The following BACE2 variants were observed in gnomAD, a reference collection of about 807,000 sequenced individuals.
BACE2 encodes 56 kDa aspartic-like protease.
In BACE2, 17 loss-of-function variants were observed where a neutral mutation model predicts 46.2. The observed-to-expected ratio is 0.37, with a 90% CI of 0.25 to 0.55. BACE2 has a LOEUF of 0.55. Among genes scored for constraint, BACE2 ranks in the 20% least tolerant of loss-of-function variants. The pLI is 0.82. For synonymous variants in BACE2, 277 were observed against 295.9 expected (o/e 0.94, Z 0.66); for missense variants, 595 against 698.1 (o/e 0.85, Z 1.66).
intron 8 of BACE2, among the ~76,000 whole-genome samples, chr21:41,266,209 T>TA (rs1018382399): frequency 7.2e-5 from 11 of 152,274 alleles, no homozygotes; most frequent in East Asian, 3.9e-4. Context: ...TGTTTAGTTT[T>TA]AAAAAAATTG....
In BACE2 at chr21:41,256,391, T is replaced by A. The variant is rs150021126; in HGVS notation, c.1135-767T>A. Among the ~76,000 whole-genome samples the A allele has an allele frequency of 4.5e-3, 688 of 152,334 alleles. 2 individuals carry two copies. The highest frequency in any genetic ancestry group is 7.1e-3 in the Non-Finnish European group (486 of 68,018). ...TTGCTGAGAATGATGGTTTTCAGCT[T>A]TATCCATGTCCCTGCAAAGGACATA... On this transcript the variant is annotated intron_variant, in intron 7 of 8. Transcript: ENST00000330333.
intron 1 of BACE2, among the ~76,000 whole-genome samples, chr21:41,198,293 C>A (rs573683830): frequency 3.7e-4 from 56 of 152,288 alleles, no homozygotes; most frequent in Non-Finnish European, 5.4e-4. Flanking sequence ...GCCCAGCCCC[C>A]AAAATATATA....
chr21:41,200,451 A>G (rs916150364), intron 1 of BACE2, among the ~76,000 whole-genome samples: 2 of 152,170 alleles, frequency 1.3e-5, no homozygotes, highest in Admixed American at 1.3e-4. Flanking sequence ...CTGTCTTGTT[A>G]CTATGGATGT....
chr21:41,251,758 A>T (rs1041970386), intron 7 of BACE2, among the ~76,000 whole-genome samples: 1 of 151,020 alleles, frequency 6.6e-6, no homozygotes, highest in Admixed American at 6.6e-5. Flanking sequence ...CCGAGATCAC[A>T]CCACTGCACT....
At chr21:41,260,228 T>G (rs1987899427) in intron 8 of BACE2, among the ~76,000 whole-genome samples, 3 of 152,182 alleles carry the variant, frequency 2.0e-5, no homozygotes, top group Admixed American at 2.0e-4. Context: ...CAGTGCAGCC[T>G]TCACCTCCCA....
chr21:41,216,080 C>T (rs1351934365), intron 1 of BACE2, among the ~76,000 whole-genome samples: 2 of 151,940 alleles, frequency 1.3e-5, no homozygotes, highest in African/African-American at 4.8e-5. Flanking sequence ...GAGAGCGCGT[C>T]GTGTGAAATT....
At position 41,277,867 on chromosome 21, in the gene BACE2, C is replaced by T. The variant is rs904108080; in HGVS notation, c.*2243C>T. 3 of 152,204 alleles carry T rather than the reference C, an allele frequency of 2.0e-5. No individual in the cohort carries two copies. Among genetic ancestry groups the T allele is most frequent in the Non-Finnish European group, 2.9e-5 (2 of 68,044 alleles). 9.4% of individuals were successfully genotyped at this position (152,204 alleles called of 1,614,324 possible). ...TTCTTTATCTTTTCATATCGCATGTCATTGGATGTGACATTTTGATGAAAA... is the reference window on the plus strand; with the variant it reads ...TTCTTTATCTTTTCATATCGCATGTTATTGGATGTGACATTTTGATGAAAA... On this transcript the variant is annotated 3_prime_UTR_variant, in exon 9 of 9. Coordinates refer to ENST00000330333, the MANE Select transcript of BACE2 (RefSeq NM_012105.5).
intron 6 of BACE2, among the ~76,000 whole-genome samples, chr21:41,248,536 C>G (rs1452159921): frequency 6.6e-6 from 1 of 152,258 alleles, no homozygotes; most frequent in African/African-American, 2.4e-5. Flanking sequence ...CCCACCTCTT[C>G]TGAGCATGTC....
chr21:41,168,731 A>T (rs908494990), intron 1 of BACE2, among the ~76,000 whole-genome samples, 156 bp downstream of exon 1: 2 of 151,692 alleles, frequency 1.3e-5, no homozygotes, highest in South Asian at 4.2e-4. Context: ...TGGGCCGGGG[A>T]GCGGGGGCGC....
rs981048189 is a variant in BACE2 at position 41,279,100 on chromosome 21, G to C, written c.*3476G>C. On this transcript the variant is annotated 3_prime_UTR_variant, in exon 9 of 9. Transcript: ENST00000330333. The stretch of plus-strand genomic sequence containing the variant: ...GGGGTTCTGGCCAAGAGAGGTACTA[G>C]ATTTTTTTAATGCCGAGAAAAGTCC... 1.3e-5 allele frequency: 2 copies of C among 152,024 alleles called. No individual in the cohort carries two copies. The highest frequency in any genetic ancestry group is 1.5e-5 in the Non-Finnish European group (1 of 67,998). The allele number at this position is 152,024 out of a possible 1,614,324, so 9.4% of individuals were successfully genotyped here.
At position 41,250,873 on chromosome 21, in the gene BACE2, G is replaced by A. The variant is rs771012836; in HGVS notation, c.1106G>A (p.Arg369Lys). The change falls in exon 7 of 9, where the codon AGG becomes AAG. Residue 369 changes from arginine to lysine, a missense_variant. This residue lies in a region of BACE2 where 343 missense variants were observed against 419.4 expected (regional missense o/e 0.82). Coordinates refer to ENST00000330333, the MANE Select transcript of BACE2 (RefSeq NM_012105.5). ...SIYLRDENSS[R>K]SFRITILPQL... ...TACCTGAGAGACGAGAACTCCAGCA[G>A]GTCATTCCGTATCACAATCCTGCCT... is the stretch of plus-strand genomic sequence containing the variant. 2.2e-5 allele frequency: 36 copies of A among 1,614,046 alleles called. No individual in the cohort carries two copies. Among genetic ancestry groups the A allele is most frequent in the Non-Finnish European group, 2.9e-5 (34 of 1,180,014 alleles).
At chr21:41,253,960 G>T (rs1987708520) in intron 7 of BACE2, among the ~76,000 whole-genome samples, 1 of 152,104 alleles carries the variant, frequency 6.6e-6, no homozygotes, top group South Asian at 2.1e-4. Context: ...AGCTGGGAAA[G>T]ATCACCTGGT....
In BACE2 at chr21:41,195,635, T is replaced by C. The variant is rs558582637; in HGVS notation, c.312+27060T>C. Among the ~76,000 whole-genome samples the C allele has an allele frequency of 1.7e-4, 26 of 152,270 alleles. No individual in the cohort carries two copies. In the South Asian group the frequency reaches 5.0e-3, roughly 29 times the overall value. On this transcript the variant is annotated intron_variant, in intron 1 of 8. Coordinates refer to ENST00000330333, the MANE Select transcript of BACE2 (RefSeq NM_012105.5). ...CCTGGTGAGGTCAGAGGCACAGTCA[T>C]GAGCAAGGTGGGGAAACAGCAGTAA...
intron 1 of BACE2, among the ~76,000 whole-genome samples, chr21:41,198,466 C>G (rs1195081975): frequency 6.6e-6 from 1 of 152,182 alleles, no homozygotes; most frequent in East Asian, 1.9e-4. Context: ...CCTAGAATAT[C>G]ACAGATGCTC....
intron 2 of BACE2, among the ~76,000 whole-genome samples, chr21:41,232,478 G>T (rs1157946793): frequency 2.0e-5 from 3 of 152,220 alleles, no homozygotes; most frequent in Non-Finnish European, 2.9e-5. Context: ...CAAATCTCAT[G>T]TTGAAATGTG....
rs761834507 is a variant in BACE2, at chr21:41,168,483, G to T, written c.220G>T (p.Ala74Ser). Residue 74 changes from alanine (A) to serine (S), a missense_variant, in exon 1 of 9, where the codon GCC (alanine) becomes TCC (serine). Around this residue, in one of 3 missense-constraint regions of BACE2, gnomAD observed 248 missense variants for 261.4 expected, o/e 0.95. Transcript: ENST00000330333. ...GCCTGCCCTGGCGTCCCCCGCGGGC[G>T]CCGCCAACTTCTTGGCCATGGTAGA... ...LEPALASPAG[A>S]ANFLAMVDNL... 1 of 1,387,594 alleles carries T rather than the reference G, an allele frequency of 7.2e-7. No individual in the cohort carries two copies. The highest frequency in any genetic ancestry group is 1.5e-5 in the African/African-American group (1 of 66,698). The allele number at this position is 1,387,594 out of a possible 1,614,324, so 86.0% of individuals were successfully genotyped here. A position where few individuals can be genotyped will look rare whatever the true frequency, so the allele number is the denominator to read the frequency against.
chr21:41,194,813 A>G (rs1985683845), intron 1 of BACE2, among the ~76,000 whole-genome samples: 1 of 152,236 alleles, frequency 6.6e-6, no homozygotes, highest in African/African-American at 2.4e-5. Flanking sequence ...GCTTAATAAT[A>G]ATAAAGTACC....
intron 1 of BACE2, among the ~76,000 whole-genome samples, chr21:41,187,915 T>G (rs1985433924): frequency 6.6e-6 from 1 of 152,230 alleles, no homozygotes; most frequent in African/African-American, 2.4e-5. Flanking sequence ...TTTACCAAAG[T>G]ATAGCTCCCA....
intron 1 of BACE2, among the ~76,000 whole-genome samples, chr21:41,188,999 G>A (rs146924894): frequency 2.0e-5 from 3 of 152,306 alleles, no homozygotes; most frequent in African/African-American, 7.2e-5. Context: ...CTGTGGCCAG[G>A]CAGCATCTTC....
Sources: gnomAD v4.1 joint callset for allele counts (sites outside exome capture counted in the v4.1 genomes callset) on GRCh38, gnomAD v4.1.1 for gene constraint, gnomAD v4.1.1 regional missense constraint, MANE v1.5 for transcripts, NCBI Gene and HGNC (gene_info 2026-07-23, HGNC 2026-07-21) for gene names.